MACROD2: variants seen among roughly 807,000 people sequenced by gnomAD.
MACROD2 encodes ADP-ribose glycohydrolase MACROD2.
Under a neutral mutation model 70.4 loss-of-function variants are expected in MACROD2, and 36 were observed. That is an observed-to-expected ratio of 0.51 (90% CI 0.39 to 0.68). The LOEUF (loss-of-function observed/expected upper bound fraction) is 0.68, where lower values mean the gene tolerates loss of function less well. MACROD2 is among the 30% of genes least tolerant of loss of function. The probability of loss-of-function intolerance (pLI) is 0.00; values close to 1 mark genes in which losing one functional copy is unlikely to be tolerated. For missense variants in MACROD2, 496 were observed against 538.4 expected (o/e 0.92, Z 0.78); for synonymous variants, 172 against 178.8 (o/e 0.96, Z 0.30).
chr20:14,362,785 G>GA (rs916358645), intron 3 of MACROD2, among the ~76,000 whole-genome samples: 2 of 151,912 alleles, frequency 1.3e-5, no homozygotes, highest in Admixed American at 6.6e-5. Flanking sequence ...AATCTCTGGG[G>GA]AAAAAAAGAT....
At chr20:15,848,432 C>G (rs2064259140) in intron 8 of MACROD2, among the ~76,000 whole-genome samples, 1 of 152,006 alleles carries the variant, frequency 6.6e-6, no homozygotes, top group Non-Finnish European at 1.5e-5. Context: ...TTATATACAG[C>G]CAAGCATGAA....
At chr20:15,484,181 C>T (rs1034903655) in intron 7 of MACROD2, among the ~76,000 whole-genome samples, 2 of 151,896 alleles carry the variant, frequency 1.3e-5, no homozygotes, top group Non-Finnish European at 2.9e-5. Context: ...GATTCTGATG[C>T]TTGATCTGTC....
intron 5 of MACROD2, among the ~76,000 whole-genome samples, chr20:15,135,380 T>G (rs1481187154): frequency 6.6e-6 from 1 of 151,836 alleles, no homozygotes; most frequent in Non-Finnish European, 1.5e-5. Flanking sequence ...TCAAGTGGGC[T>G]TCATCCCTGG....
At chr20:15,408,766 A>G (rs775862228) in intron 6 of MACROD2, among the ~76,000 whole-genome samples, 11 of 152,326 alleles carry the variant, frequency 7.2e-5, no homozygotes, top group Non-Finnish European at 1.5e-4. Context: ...AGACTTGTCA[A>G]TATTTGTCCG....
chr20:15,819,824 A>G (rs78423527), intron 8 of MACROD2, among the ~76,000 whole-genome samples: 3,140 of 152,204 alleles, frequency 0.021, 112 homozygotes, highest in African/African-American at 0.071. Flanking sequence ...GATATATAGA[A>G]TGAACAACTC....
intron 5 of MACROD2, among the ~76,000 whole-genome samples, chr20:15,006,297 T>A (rs2122916872): frequency 6.6e-6 from 1 of 152,034 alleles, no homozygotes; most frequent in East Asian, 1.9e-4. Flanking sequence ...TGTGGAATTT[T>A]AAAAAGCTGA....
chr20:15,995,762 T>C (rs1329338477), intron 15 of MACROD2, among the ~76,000 whole-genome samples: 2 of 151,520 alleles, frequency 1.3e-5, no homozygotes, highest in South Asian at 2.1e-4. Flanking sequence ...TCATCCATGT[T>C]GTCACAAATG....
chr20:14,926,787 G>A (rs369859444), intron 5 of MACROD2, among the ~76,000 whole-genome samples: 2 of 152,078 alleles, frequency 1.3e-5, no homozygotes, highest in Admixed American at 6.6e-5. Context: ...GCTATATCTT[G>A]TGTTTGCCAC....
chr20:15,295,029 T>A (rs887087536), intron 6 of MACROD2, among the ~76,000 whole-genome samples: 1 of 152,128 alleles, frequency 6.6e-6, no homozygotes, highest in Non-Finnish European at 1.5e-5. Flanking sequence ...AATCCCCACA[T>A]GTTGTGGGAG....
At chr20:14,767,794 C>T (rs918366123) in intron 5 of MACROD2, among the ~76,000 whole-genome samples, 2 of 151,780 alleles carry the variant, frequency 1.3e-5, no homozygotes, top group Non-Finnish European at 2.9e-5. Context: ...TCCTCTAGTC[C>T]CCCACCCCCT....
At chr20:14,855,004 A>G (rs1272380034) in intron 5 of MACROD2, among the ~76,000 whole-genome samples, 1 of 152,122 alleles carries the variant, frequency 6.6e-6, no homozygotes, top group Non-Finnish European at 1.5e-5. Flanking sequence ...CGACAGAATG[A>G]GACTCCGTCT....
intron 8 of MACROD2, among the ~76,000 whole-genome samples, chr20:15,686,974 T>G: frequency 6.6e-6 from 1 of 151,136 alleles, no homozygotes; most frequent in African/African-American, 2.4e-5. Flanking sequence ...CTTTCTTTCT[T>G]TTATATTTCT....
intron 5 of MACROD2, among the ~76,000 whole-genome samples, chr20:15,066,935 C>A (rs2075581204): frequency 6.7e-6 from 1 of 150,000 alleles, no homozygotes; most frequent in East Asian, 1.9e-4. Flanking sequence ...TTATTTAAAT[C>A]TAAGTTTTAA....
chr20:15,772,074 G>A (rs1334584776), intron 8 of MACROD2, among the ~76,000 whole-genome samples: 1 of 107,952 alleles, frequency 9.3e-6, no homozygotes, highest in African/African-American at 3.7e-5. Context: ...GACAAAGTGA[G>A]ACTCGGTCTC....
intron 5 of MACROD2, among the ~76,000 whole-genome samples, chr20:14,930,124 T>C (rs2074279899): frequency 7.4e-6 from 1 of 135,450 alleles, no homozygotes; most frequent in South Asian, 2.5e-4. Context: ...ATTGCGCCAC[T>C]GCACTCCAGC....
chr20:15,277,037 A>C (rs145737620), intron 6 of MACROD2, among the ~76,000 whole-genome samples: 94 of 152,322 alleles, frequency 6.2e-4, no homozygotes, highest in African/African-American at 2.2e-3. Flanking sequence ...ACGTTAAGCA[A>C]AATTTGTTAC....
intron 15 of MACROD2, among the ~76,000 whole-genome samples, chr20:16,019,480 T>G (rs1230007936): frequency 2.6e-5 from 4 of 152,206 alleles, no homozygotes; most frequent in African/African-American, 7.2e-5. Context: ...CTTGCCATCA[T>G]GCACCCACAT....
intron 3 of MACROD2, among the ~76,000 whole-genome samples, chr20:14,301,996 G>C (rs1002331254): frequency 2.0e-5 from 3 of 152,108 alleles, no homozygotes; most frequent in African/African-American, 7.2e-5. Context: ...TATTAGGATA[G>C]ATAGAACTAT....
At chr20:14,244,087 G>A (rs1569224293) in intron 3 of MACROD2, among the ~76,000 whole-genome samples, 2 of 152,182 alleles carry the variant, frequency 1.3e-5, no homozygotes. Flanking sequence ...TTCTTTCTAA[G>A]TGCATTTTAG....
Sources: gnomAD v4.1 joint callset for allele counts (sites outside exome capture counted in the v4.1 genomes callset) on GRCh38, gnomAD v4.1.1 for gene constraint, MANE v1.5 for transcripts, NCBI Gene and HGNC (gene_info 2026-07-23, HGNC 2026-07-21) for gene names.